The following REEP6 variants were observed in gnomAD, a reference collection of about 807,000 sequenced individuals.
REEP6 encodes the protein receptor accessory protein 6.
A neutral mutation model predicts 22.4 loss-of-function variants in REEP6; 19 were observed. The observed-to-expected ratio is 0.85, with a 90% CI of 0.59 to 1.25. The LOEUF (loss-of-function observed/expected upper bound fraction) is 1.25. Ranked by LOEUF, REEP6 falls within the 50% of genes most tolerant of loss-of-function variation. The probability of loss-of-function intolerance (pLI) is 0.00; values close to 1 mark genes in which losing one functional copy is unlikely to be tolerated. For missense variants in REEP6, 273 were observed against 251.9 expected, an observed-to-expected ratio of 1.08 and a Z score of -0.57; for synonymous variants, 121 against 113.6, an observed-to-expected ratio of 1.06 and a Z score of -0.41.
In REEP6 at chr19:1,496,581, C is replaced by T. The variant is rs757550055; in HGVS notation, c.517+128C>T. 68 of 1,197,596 alleles carry T rather than the reference C, an allele frequency of 5.7e-5. No homozygotes were observed. Among genetic ancestry groups the T allele is most frequent in the Non-Finnish European group, 7.8e-5 (64 of 825,574 alleles). The allele number at this position is 1,197,596 out of a possible 1,614,324, so 74.2% of individuals were successfully genotyped here. The stretch of plus-strand genomic sequence containing the variant: ...TGTCCGCCTCTCTCTCTCACGCTTC[C>T]GGGAACCAGTCTTGCAGGTCCTGGC... On this transcript the variant is annotated intron_variant, in intron 4 of 4. Coordinates refer to ENST00000233596, the MANE Select transcript of REEP6 (RefSeq NM_138393.4).
chr19:1,497,083 C>A lies in REEP6; in HGVS notation c.518-91C>A. The A allele has an allele frequency of 9.1e-7, 1 of 1,098,960 alleles. No homozygotes were observed. The highest frequency in any genetic ancestry group is 2.6e-5 in the East Asian group (1 of 37,776). 68.1% of individuals were successfully genotyped at this position (1,098,960 alleles called of 1,614,324 possible). A position where few individuals can be genotyped will look rare whatever the true frequency, so the allele number is the denominator to read the frequency against. On this transcript the variant is annotated intron_variant, in intron 4 of 4. Coordinates refer to ENST00000233596, the MANE Select transcript of REEP6 (RefSeq NM_138393.4). This position sits in a 1 kb window ranked among gnomAD's most constrained non-coding sequence, Gnocchi z 6.5. Reference sequence around the variant, plus strand: ...GCCCGGCCCCTCGACTTGTCATGCTCATAGCCAGTAGCCTCAGTCCCGCCT... The same window carrying A: ...GCCCGGCCCCTCGACTTGTCATGCTAATAGCCAGTAGCCTCAGTCCCGCCT...
rs1470740317 is a variant in REEP6, at chr19:1,491,265, GGGCCATGGACGGCCT to G, written c.-3_12del. 1 of 1,464,646 alleles carries G rather than the reference GGGCCATGGACGGCCT, an allele frequency of 6.8e-7. No individual in the cohort carries two copies. Among genetic ancestry groups the G allele is most frequent in the Non-Finnish European group, 9.0e-7 (1 of 1,106,138 alleles). 90.7% of individuals were successfully genotyped at this position (1,464,646 alleles called of 1,614,324 possible). A position where few individuals can be genotyped will look rare whatever the true frequency, so the allele number is the denominator to read the frequency against. ...CGAGCAGCCAACCCCGGGCGCGTCGGGGCCATGGACGGCCTGAGGCAGCGCGTGGAGCACTTCCTG... is the reference window on the plus strand; with the variant it reads ...CGAGCAGCCAACCCCGGGCGCGTCGGGAGGCAGCGCGTGGAGCACTTCCTG... On this transcript the variant is annotated start_lost and 5_prime_UTR_variant, in exon 1 of 5. Coordinates refer to ENST00000233596, the MANE Select transcript of REEP6 (RefSeq NM_138393.4). This position sits in a 1 kb window ranked among gnomAD's most constrained non-coding sequence, Gnocchi z 5.4.
chr19:1,496,188 G>A, intron 3 of REEP6, 97 bp from the exon 4 acceptor site: 1 of 1,422,492 alleles, frequency 7.0e-7, no homozygotes, highest in Non-Finnish European at 9.5e-7. Flanking sequence ...CCCAGTGCCT[G>A]TCCAGGATGG....
At chr19:1,492,856 T>C (rs1478634646) in intron 1 of REEP6, among the ~76,000 whole-genome samples, 2 of 152,152 alleles carry the variant, frequency 1.3e-5, no homozygotes, top group Non-Finnish European at 1.5e-5. Context: ...GCGCAGCAGG[T>C]GGCATGGGCA....
intron 3 of REEP6, 103 bp from the exon 4 acceptor site, chr19:1,496,182 G>C (rs112566345): frequency 1.4e-6 from 2 of 1,380,206 alleles, no homozygotes; most frequent in African/African-American, 2.9e-5. Flanking sequence ...TGGAGACCCA[G>C]TGCCTGTCCA....
chr19:1,497,142 C>A lies in REEP6; in HGVS notation c.518-32C>A. 1 of 1,354,858 alleles carries A rather than the reference C, an allele frequency of 7.4e-7. No homozygotes were observed. The highest frequency in any genetic ancestry group is 9.9e-7 in the Non-Finnish European group (1 of 1,010,684). The allele number at this position is 1,354,858 out of a possible 1,614,324, so 83.9% of individuals were successfully genotyped here. ...CTCCGGGGAGCCCAGGCCTGCCTCA[C>A]GGCCCTCCCCCACCCGCCCCTCTCT... On this transcript the variant is annotated intron_variant, in intron 4 of 4. Transcript: ENST00000233596. The surrounding 1 kb of genome is among the most constrained non-coding windows in gnomAD (Gnocchi z 6.5).
In REEP6 at chr19:1,497,511, C is replaced by T. The variant is rs528709127; in HGVS notation, c.*300C>T. ...GGCACAGGGCAGCTCCCACTGGTCT[C>T]GGCAACACACCCAGCCGCCTGGTAC... is the stretch of plus-strand genomic sequence containing the variant. On this transcript the variant is annotated 3_prime_UTR_variant, in exon 5 of 5. Coordinates refer to ENST00000233596, the MANE Select transcript of REEP6 (RefSeq NM_138393.4). The surrounding 1 kb of genome is among the most constrained non-coding windows in gnomAD (Gnocchi z 6.5). 2.1e-4 allele frequency: 142 copies of T among 664,892 alleles called. 1 individual carries two copies. The highest frequency in any genetic ancestry group is 1.3e-3 in the Admixed American group (63 of 48,148). 41.2% of individuals were successfully genotyped at this position (664,892 alleles called of 1,614,324 possible). A position where few individuals can be genotyped will look rare whatever the true frequency, so the allele number is the denominator to read the frequency against.
chr19:1,492,139 G>A (rs550319335), intron 1 of REEP6, among the ~76,000 whole-genome samples: 2 of 152,028 alleles, frequency 1.3e-5, no homozygotes, highest in Admixed American at 6.6e-5. Flanking sequence ...TTTTGAGACC[G>A]AGTCTTGCTC....
chr19:1,494,273 G>A (rs1361968135), intron 1 of REEP6, among the ~76,000 whole-genome samples: 1 of 152,116 alleles, frequency 6.6e-6, no homozygotes, highest in Non-Finnish European at 1.5e-5. Flanking sequence ...GAGATGCTGG[G>A]GTTTGCTGCC....
At chr19:1,493,270 C>G (rs1269605597) in intron 1 of REEP6, among the ~76,000 whole-genome samples, 1 of 152,122 alleles carries the variant, frequency 6.6e-6, no homozygotes, top group Non-Finnish European at 1.5e-5. Flanking sequence ...GTCCCTCATC[C>G]CCATCTCCCA....
intron 1 of REEP6, among the ~76,000 whole-genome samples, chr19:1,494,405 C>T (rs1264483813): frequency 1.3e-5 from 2 of 152,186 alleles, no homozygotes; most frequent in African/African-American, 2.4e-5. Context: ...ATGGAGTGGG[C>T]AGAGGCCAGG....
In REEP6 at chr19:1,491,327, G is replaced by C; in HGVS notation, c.58G>C (p.Glu20Gln). The change falls in exon 1 of 5, where the codon GAA (glutamate) becomes CAA (glutamine). Residue 20 changes from glutamate to glutamine, a missense_variant. Glu to Gln is a conservative substitution (Grantham distance 29). Coordinates refer to ENST00000233596, the MANE Select transcript of REEP6 (RefSeq NM_138393.4). The surrounding 1 kb of genome is among the most constrained non-coding windows in gnomAD (Gnocchi z 5.4). ...CCTGGAGCAAAGGAACCTGGTCACC[G>C]AAGTGCTGGGGGCGCTGGAGGCCAA... ...HFLEQRNLVT[E>Q]VLGALEAKTG... 6.8e-7 allele frequency: 1 copy of C among 1,479,636 alleles called. No homozygotes were observed. 91.7% of individuals were successfully genotyped at this position (1,479,636 alleles called of 1,614,324 possible). A position where few individuals can be genotyped will look rare whatever the true frequency, so the allele number is the denominator to read the frequency against.
chr19:1,494,935 C>T (rs1417414340), intron 1 of REEP6, among the ~76,000 whole-genome samples: 9 of 152,164 alleles, frequency 5.9e-5, no homozygotes, highest in Non-Finnish European at 1.0e-4. Flanking sequence ...CCACCTGCCT[C>T]GGCCTCCCAA....
At chr19:1,493,269 C>T (rs1279278868) in intron 1 of REEP6, among the ~76,000 whole-genome samples, 1 of 152,170 alleles carries the variant, frequency 6.6e-6, no homozygotes, top group Non-Finnish European at 1.5e-5. Flanking sequence ...AGTCCCTCAT[C>T]CCCATCTCCC....
At chr19:1,495,101 CAGGCACAAGGCTCAGGG>C (rs2084994515) in intron 1 of REEP6, among the ~76,000 whole-genome samples, 176 bp from the exon 2 acceptor site, 4 of 152,246 alleles carry the variant, frequency 2.6e-5, no homozygotes, top group Admixed American at 1.3e-4. Flanking sequence ...TGACCAGTTA[CAGGCACAAGGCTCAGGG>C]CCTAGAGGCA....
Position 1,491,227 on chromosome 19 carries a change from C to A in REEP6, c.-43C>A. The stretch of plus-strand genomic sequence containing the variant: ...CGTGCAGCGGGGTGGGTGCCCTGGT[C>A]CGCGGGCGAGCTCGAGCAGCCAACC... On this transcript the variant is annotated 5_prime_UTR_variant, in exon 1 of 5. Transcript: ENST00000233596. The surrounding 1 kb of genome is among the most constrained non-coding windows in gnomAD (Gnocchi z 5.4). The A allele has an allele frequency of 2.2e-6, 3 of 1,382,096 alleles. No homozygotes were observed. The highest frequency in any genetic ancestry group is 2.1e-4 in the Middle Eastern group (1 of 4,800). 85.6% of individuals were successfully genotyped at this position (1,382,096 alleles called of 1,614,324 possible). A position where few individuals can be genotyped will look rare whatever the true frequency, so the allele number is the denominator to read the frequency against.
intron 1 of REEP6, among the ~76,000 whole-genome samples, chr19:1,493,449 G>C (rs983931404): frequency 3.9e-5 from 6 of 152,096 alleles, no homozygotes. Context: ...GGGGGGACTT[G>C]GGCCTCTGCC....
At chr19:1,494,483 A>G (rs941016733) in intron 1 of REEP6, among the ~76,000 whole-genome samples, 1 of 152,192 alleles carries the variant, frequency 6.6e-6, no homozygotes, top group African/African-American at 2.4e-5. Flanking sequence ...ACAACCAAGA[A>G]TGACCCGGCC....
In REEP6 at chr19:1,496,356, G is replaced by A. The variant is rs61742054; in HGVS notation, c.420G>A (p.Val140=). Residue 140 remains valine, a synonymous_variant, in exon 4 of 5, where the codon GTG becomes GTA. Coordinates refer to ENST00000233596, the MANE Select transcript of REEP6 (RefSeq NM_138393.4). ...CTCTCATGCTGTATCAGCGCGTCGT[G>A]CGTCCGCTGTTCCTAAGGCACCACG... ...NGALMLYQRV[V]RPLFLRHHGA... The A allele has an allele frequency of 1.1e-3, 1,810 of 1,613,082 alleles. 18 individuals carry two copies. The African/African-American group carries it at 0.02, about 18-fold the overall frequency.
Sources: gnomAD v4.1 joint callset for allele counts (sites outside exome capture counted in the v4.1 genomes callset) on GRCh38, gnomAD v4.1.1 for gene constraint, Gnocchi (gnomAD v3.1) non-coding constraint, MANE v1.5 for transcripts, NCBI Gene and HGNC (gene_info 2026-07-23, HGNC 2026-07-21) for gene names.